Variants in TEKTIP1 observed in about 807,000 individuals in gnomAD.
The protein encoded by TEKTIP1 is tektin bundle-interacting protein 1.
the TEKTIP1 span, chr19:3,539,442 G>A: frequency 5.1e-6 from 3 of 585,296 alleles, no homozygotes; most frequent in African/African-American, 3.7e-5. Context: ...CGCTCACTGT[G>A]GGGGCTACAG....
the TEKTIP1 span, chr19:3,542,969 CAAG>C: frequency 6.5e-7 from 1 of 1,546,934 alleles, no homozygotes; most frequent in Non-Finnish European, 8.8e-7. Context: ...CTTCTCCAGG[CAAG>C]AAAAGCTGAG....
chr19:3,542,888 T>G, the TEKTIP1 span: 2 of 1,404,602 alleles, frequency 1.4e-6, no homozygotes, highest in African/African-American at 1.4e-5. Context: ...AAGGGACTTG[T>G]GGGTCTTGGA....
At chr19:3,539,446 GC>G in the TEKTIP1 span, 13 of 580,518 alleles carry the variant, frequency 2.2e-5, no homozygotes, top group Admixed American at 8.8e-5. Context: ...CACTGTGGGG[GC>G]TACAGACCTG....
the TEKTIP1 span, chr19:3,542,824 G>T: frequency 2.9e-6 from 4 of 1,374,448 alleles, no homozygotes; most frequent in African/African-American, 5.9e-5. Flanking sequence ...CTTAGTGCCA[G>T]CCCCAGACCA....
At chr19:3,542,886 T>C in the TEKTIP1 span, 1 of 1,402,044 alleles carries the variant, frequency 7.1e-7, no homozygotes, top group East Asian at 4.0e-5. Context: ...GGAAGGGACT[T>C]GTGGGTCTTG....
At chr19:3,539,394 T>C in the TEKTIP1 span, 1 of 621,312 alleles carries the variant, frequency 1.6e-6, no homozygotes, top group Admixed American at 2.5e-5. Flanking sequence ...GTGTGTGACG[T>C]CCCCTCCAGC....
At chr19:3,539,761 C>G in the TEKTIP1 span, 2 of 158,204 alleles carry the variant, frequency 1.3e-5, no homozygotes, top group African/African-American at 4.8e-5. Flanking sequence ...ACGGGGTGAC[C>G]TCATCTTAGC....
chr19:3,543,549 C>A, the TEKTIP1 span: 8 of 1,533,880 alleles, frequency 5.2e-6, no homozygotes, highest in African/African-American at 9.6e-5. Flanking sequence ...CCCCGCCCCA[C>A]CGCAGCCTAC....
chr19:3,543,922 C>T, the TEKTIP1 span: 6 of 1,551,264 alleles, frequency 3.9e-6, no homozygotes, highest in African/African-American at 5.5e-5. Context: ...CCCGGCACCA[C>T]CCAGAACTAC....
At chr19:3,539,402 A>G in the TEKTIP1 span, 1 of 604,340 alleles carries the variant, frequency 1.7e-6, no homozygotes, top group Non-Finnish European at 3.0e-6. Context: ...CGTCCCCTCC[A>G]GCTCTTCCTG....
At chr19:3,541,309 C>G in the TEKTIP1 span, among the ~76,000 whole-genome samples, 4 of 151,866 alleles carry the variant, frequency 2.6e-5, no homozygotes, top group Non-Finnish European at 5.9e-5. Context: ...GCATTCCAGC[C>G]TAGGTGACAA....
chr19:3,543,377 T>C, the TEKTIP1 span: 1 of 1,549,104 alleles, frequency 6.5e-7, no homozygotes, highest in Non-Finnish European at 8.7e-7. Context: ...CTGGGAAGCC[T>C]GGTACAACCT....
the TEKTIP1 span, among the ~76,000 whole-genome samples, chr19:3,540,414 T>C: frequency 1.4e-4 from 21 of 151,704 alleles, no homozygotes; most frequent in Middle Eastern, 3.4e-3. Context: ...TGCGCTACCA[T>C]GCCCAGCTAA....
At chr19:3,543,322 C>A in the TEKTIP1 span, 16 of 1,549,346 alleles carry the variant, frequency 1.0e-5, no homozygotes, top group Non-Finnish European at 1.3e-5. Context: ...TGGGACGGGA[C>A]GCAGCCGGCC....
chr19:3,543,165 A>G, the TEKTIP1 span: 16 of 1,519,028 alleles, frequency 1.1e-5, no homozygotes, highest in Non-Finnish European at 1.4e-5. Context: ...CCACCCTGGC[A>G]GACATCGCAA....
chr19:3,540,969 G>C, the TEKTIP1 span, among the ~76,000 whole-genome samples: 2 of 151,128 alleles, frequency 1.3e-5, no homozygotes, highest in Non-Finnish European at 2.9e-5. Context: ...AGGAGATCAA[G>C]ACCAACCTGG....
chr19:3,543,020 G>A, the TEKTIP1 span: 22 of 1,605,054 alleles, frequency 1.4e-5, no homozygotes, highest in East Asian at 2.3e-5. Context: ...TGCTTGGGGT[G>A]CGATGTGTGG....
At chr19:3,542,436 C>T in the TEKTIP1 span, 1 of 985,370 alleles carries the variant, frequency 1.0e-6, no homozygotes, top group Non-Finnish European at 1.2e-6. Context: ...GGGACATATT[C>T]CCAAGAGCAA....
At chr19:3,543,180 G>T in the TEKTIP1 span, 1 of 1,526,240 alleles carries the variant, frequency 6.6e-7, no homozygotes, top group Non-Finnish European at 8.8e-7. Flanking sequence ...TCGCAAAGGG[G>T]TCAAAGCACT....
Sources: allele counts gnomAD v4.1 joint callset (sites outside exome capture counted in the v4.1 genomes callset), GRCh38; gene constraint gnomAD v4.1.1; transcripts MANE v1.5; gene names NCBI Gene and HGNC (gene_info 2026-07-23, HGNC 2026-07-21).